The following HTR2C variants were observed in gnomAD, a reference collection of about 807,000 sequenced individuals.
HTR2C encodes the protein 5-hydroxytryptamine receptor 2C, also known as 5-hydroxytryptamine (serotonin) receptor 2C, G protein-coupled.
In HTR2C, 5 loss-of-function variants were observed where a neutral mutation model predicts 21.0. That is an observed-to-expected ratio of 0.24 (90% CI 0.12 to 0.50). HTR2C has a LOEUF of 0.50. Ranked by LOEUF, HTR2C falls within the 20% of genes least tolerant of loss-of-function variation. The pLI, the probability that HTR2C is intolerant of heterozygous loss-of-function variation, is 0.98. For missense variants in HTR2C, 271 were observed against 371.2 expected (o/e 0.73, Z 2.22); for synonymous variants, 150 against 145.3 (o/e 1.03, Z -0.23).
At chrX:114,807,144 A>ATG (rs1556450604) in intron 4 of HTR2C, among the ~76,000 whole-genome samples, 571 of 16,894 alleles carry the variant, frequency 0.034, 224 homozygotes, top group Admixed American at 0.065. Flanking sequence ...TATATATACC[A>ATG]TATATACACC....
At chrX:114,740,428 AG>A (rs1421274353) in intron 4 of HTR2C, among the ~76,000 whole-genome samples, 1 of 110,871 alleles carries the variant, frequency 9.0e-6, no homozygotes, top group Non-Finnish European at 1.9e-5. Context: ...AAACTACATA[AG>A]TAATTATGTT....
chrX:114,621,826 A>C (rs1929178281), intron 2 of HTR2C, among the ~76,000 whole-genome samples: 1 of 112,151 alleles, frequency 8.9e-6, no homozygotes, highest in African/African-American at 3.2e-5. Flanking sequence ...GGGGTCCCTT[A>C]AATGCATGTC....
chrX:114,639,260 T>A (rs1403717517), intron 2 of HTR2C, among the ~76,000 whole-genome samples: 1 of 112,278 alleles, frequency 8.9e-6, no homozygotes, highest in Non-Finnish European at 1.9e-5. Context: ...ATGAGTAAAT[T>A]GTAAATATTG....
At chrX:114,695,023 C>A (rs1425736196) in intron 2 of HTR2C, among the ~76,000 whole-genome samples, 1 of 111,973 alleles carries the variant, frequency 8.9e-6, no homozygotes, top group African/African-American at 3.2e-5. Flanking sequence ...TCATGACAAG[C>A]AAGATTATAA....
intron 4 of HTR2C, among the ~76,000 whole-genome samples, chrX:114,820,325 G>GT (rs1170698113): frequency 6.4e-5 from 7 of 109,112 alleles, no homozygotes; most frequent in Non-Finnish European, 1.1e-4. Flanking sequence ...GGGGGTAGGA[G>GT]TTTTTTTTAG....
chrX:114,826,046 A>C (rs952211421), intron 4 of HTR2C, among the ~76,000 whole-genome samples: 7 of 107,741 alleles, frequency 6.5e-5, no homozygotes, highest in Non-Finnish European at 1.3e-4. Flanking sequence ...CTCTAGTCCC[A>C]AAATCTGAAA....
chrX:114,837,677 C>T (rs782093735), intron 4 of HTR2C, among the ~76,000 whole-genome samples: 1 of 89,198 alleles, frequency 1.1e-5, no homozygotes, highest in African/African-American at 3.8e-5. Flanking sequence ...AGAAGAGTCT[C>T]AGATTCGCTA....
intron 4 of HTR2C, among the ~76,000 whole-genome samples, chrX:114,801,817 C>T (rs2070349280): frequency 9.0e-6 from 1 of 110,699 alleles, no homozygotes; most frequent in African/African-American, 3.3e-5. Context: ...CTTTGTGATA[C>T]AATCTAATTA....
chrX:114,775,298 A>G, intron 4 of HTR2C: 1 of 528,539 alleles, frequency 1.9e-6, no homozygotes, highest in East Asian at 3.6e-5. Context: ...TCTTGTCCAC[A>G]GCAGAGACAT....
chrX:114,810,761 CT>C (rs1556452532), intron 4 of HTR2C, among the ~76,000 whole-genome samples: 1 of 107,469 alleles, frequency 9.3e-6, no homozygotes, highest in East Asian at 2.9e-4. Context: ...TATGAAGGTG[CT>C]TTTTTTTGTG....
chrX:114,783,243 G>A (rs781904733), intron 4 of HTR2C, among the ~76,000 whole-genome samples: 104 of 111,546 alleles, frequency 9.3e-4, no homozygotes, highest in Non-Finnish European at 1.6e-3. Flanking sequence ...TTATAAATAC[G>A]TTTAAAGCAT....
chrX:114,745,817 G>C (rs953995501), intron 4 of HTR2C, among the ~76,000 whole-genome samples: 1 of 111,369 alleles, frequency 9.0e-6, no homozygotes, highest in African/African-American at 3.3e-5. Flanking sequence ...AAGGGTAGTG[G>C]GGGGGGATGG....
chrX:114,651,498 AT>A (rs1930571915), intron 2 of HTR2C: 1 of 125,134 alleles, frequency 8.0e-6, no homozygotes, highest in Non-Finnish European at 1.9e-5. Flanking sequence ...TTAAAATTTG[AT>A]CAAATGATAC....
At chrX:114,877,196 T>A in intron 5 of HTR2C, among the ~76,000 whole-genome samples, 1 of 111,715 alleles carries the variant, frequency 9.0e-6, no homozygotes, top group Non-Finnish European at 1.9e-5. Flanking sequence ...TTTAAAGAAA[T>A]GTATCCATTT....
intron 4 of HTR2C, among the ~76,000 whole-genome samples, chrX:114,756,125 CAA>C (rs2069810916): frequency 6.5e-5 from 1 of 15,412 alleles, no homozygotes; most frequent in Non-Finnish European, 2.4e-4. Flanking sequence ...CCATACAAAA[CAA>C]CCCCCCCCAA....
chrX:114,800,715 C>T (rs1556446575), intron 4 of HTR2C, among the ~76,000 whole-genome samples: 1 of 111,555 alleles, frequency 9.0e-6, no homozygotes. Context: ...ATATTACTAG[C>T]AGAATCTTTA....
intron 2 of HTR2C, among the ~76,000 whole-genome samples, chrX:114,711,067 AAT>A (rs1383050072): frequency 8.9e-6 from 1 of 112,095 alleles, no homozygotes; most frequent in Non-Finnish European, 1.9e-5. Flanking sequence ...TAGGCAATAT[AAT>A]ATGATTGGCT....
chrX:114,668,035 A>C (rs1931240260), intron 2 of HTR2C, among the ~76,000 whole-genome samples: 1 of 111,917 alleles, frequency 8.9e-6, no homozygotes, highest in South Asian at 3.7e-4. Flanking sequence ...GAGAAAGTAC[A>C]TACAAAAAAA....
At chrX:114,732,146 C>T (rs192513527) in intron 4 of HTR2C, among the ~76,000 whole-genome samples, 7 of 112,095 alleles carry the variant, frequency 6.2e-5, no homozygotes, top group African/African-American at 2.3e-4. Flanking sequence ...AAATTAATTA[C>T]TAAGTATATA....
Sources: allele counts gnomAD v4.1 joint callset (sites outside exome capture counted in the v4.1 genomes callset), GRCh38; gene constraint gnomAD v4.1.1; transcripts MANE v1.5; gene names NCBI Gene and HGNC (gene_info 2026-07-23, HGNC 2026-07-21).